RPS6KC1: variants seen among roughly 807,000 people sequenced by gnomAD.
RPS6KC1 encodes inactive ribosomal protein S6 kinase delta-1.
A neutral mutation model predicts 103.8 loss-of-function variants in RPS6KC1; 54 were observed. The ratio of observed to expected loss-of-function variants is 0.52; its 90% confidence interval spans 0.42 to 0.65. RPS6KC1 has a LOEUF of 0.65. Ranked by LOEUF, RPS6KC1 falls within the 30% of genes least tolerant of loss-of-function variation. The pLI is 0.00. For synonymous variants in RPS6KC1, 439 were observed against 438.7 expected, an observed-to-expected ratio of 1.00 and a Z score of -0.01; for missense variants, 1,151 against 1,253.8, an observed-to-expected ratio of 0.92 and a Z score of 1.24.
At chr1:213,849,361 C>T in the RPS6KC1 span, among the ~76,000 whole-genome samples, 5 of 152,166 alleles carry the variant, frequency 3.3e-5, no homozygotes, top group Non-Finnish European at 5.9e-5. Context: ...GGCTCCTATA[C>T]TTAGGCTACT....
chr1:213,423,688 T>C, the RPS6KC1 span, among the ~76,000 whole-genome samples: 2 of 152,108 alleles, frequency 1.3e-5, no homozygotes. Context: ...TAGTTCCAAG[T>C]GTTAGCAAAT....
chr1:213,645,354 A>G, the RPS6KC1 span, among the ~76,000 whole-genome samples: 20 of 152,192 alleles, frequency 1.3e-4, no homozygotes, highest in African/African-American at 4.6e-4. Context: ...AACAAAAGCC[A>G]TTACGGGTGA....
At chr1:213,486,580 G>A in the RPS6KC1 span, among the ~76,000 whole-genome samples, 1 of 152,160 alleles carries the variant, frequency 6.6e-6, no homozygotes, top group Non-Finnish European at 1.5e-5. Flanking sequence ...TGTTCATCAA[G>A]ATACTATATT....
chr1:213,700,976 A>G, the RPS6KC1 span, among the ~76,000 whole-genome samples: 1 of 151,992 alleles, frequency 6.6e-6, no homozygotes, highest in East Asian at 1.9e-4. Context: ...GCCTTTTCCA[A>G]ATATAAAGTC....
chr1:213,578,633 A>T, the RPS6KC1 span, among the ~76,000 whole-genome samples: 1 of 150,612 alleles, frequency 6.6e-6, no homozygotes, highest in Admixed American at 6.5e-5. Flanking sequence ...TTAAGGTTTA[A>T]TGACTGCCCC....
intron 6 of RPS6KC1, among the ~76,000 whole-genome samples, chr1:213,160,242 CA>C (rs2090328876): frequency 6.6e-6 from 1 of 152,114 alleles, no homozygotes. Flanking sequence ...TTTACCTTTA[CA>C]AAATATTACG....
At chr1:213,402,722 A>G in the RPS6KC1 span, among the ~76,000 whole-genome samples, 1 of 152,146 alleles carries the variant, frequency 6.6e-6, no homozygotes, top group African/African-American at 2.4e-5. Flanking sequence ...GATTGATTCA[A>G]TGGGTTCTTT....
At chr1:213,351,798 G>A in the RPS6KC1 span, among the ~76,000 whole-genome samples, 1 of 152,076 alleles carries the variant, frequency 6.6e-6, no homozygotes, top group African/African-American at 2.4e-5. Flanking sequence ...CTTTTATTTT[G>A]GGAGGTGGCA....
the RPS6KC1 span, among the ~76,000 whole-genome samples, chr1:213,709,251 A>G: frequency 6.6e-6 from 1 of 152,076 alleles, no homozygotes; most frequent in Non-Finnish European, 1.5e-5. Flanking sequence ...CTATTCGGGG[A>G]TTCGACTTCT....
chr1:213,666,805 C>T, the RPS6KC1 span, among the ~76,000 whole-genome samples: 12 of 152,306 alleles, frequency 7.9e-5, no homozygotes, highest in South Asian at 4.1e-4. Flanking sequence ...GAGTTATTGC[C>T]GCTTATTCAT....
At chr1:213,152,790 A>G (rs2147957645) in intron 6 of RPS6KC1, among the ~76,000 whole-genome samples, 3 of 147,916 alleles carry the variant, frequency 2.0e-5, no homozygotes, top group Admixed American at 2.0e-4. Context: ...CTCACATCCC[A>G]GATGATGGGC....
the RPS6KC1 span, among the ~76,000 whole-genome samples, chr1:213,392,583 C>T: frequency 6.6e-6 from 1 of 152,190 alleles, no homozygotes. Flanking sequence ...GGATGGGCAT[C>T]AACTCATGAA....
chr1:213,195,358 G>T (rs1401812431), intron 8 of RPS6KC1, among the ~76,000 whole-genome samples: 1 of 152,186 alleles, frequency 6.6e-6, no homozygotes, highest in African/African-American at 2.4e-5. Context: ...TTAATGGAAG[G>T]TACGTGGGAA....
chr1:213,657,456 TA>T, the RPS6KC1 span, among the ~76,000 whole-genome samples: 1 of 152,138 alleles, frequency 6.6e-6, no homozygotes, highest in South Asian at 2.1e-4. Context: ...TTTAATTATT[TA>T]AAAAAATATT....
chr1:213,816,847 T>C, the RPS6KC1 span, among the ~76,000 whole-genome samples: 1 of 152,190 alleles, frequency 6.6e-6, no homozygotes, highest in Non-Finnish European at 1.5e-5. Flanking sequence ...CAAATGAGGA[T>C]GTTAATTTTC....
chr1:213,097,995 C>T (rs1572507936), intron 3 of RPS6KC1, among the ~76,000 whole-genome samples: 1 of 152,334 alleles, frequency 6.6e-6, no homozygotes, highest in Middle Eastern at 3.4e-3. Flanking sequence ...AATAACGCTG[C>T]TTCACTTTCT....
chr1:213,178,009 T>C (rs1245503912), intron 8 of RPS6KC1, among the ~76,000 whole-genome samples: 1 of 149,914 alleles, frequency 6.7e-6, no homozygotes, highest in Non-Finnish European at 1.5e-5. Flanking sequence ...TTTGAGACTA[T>C]CTGGGCAACA....
intron 1 of RPS6KC1, among the ~76,000 whole-genome samples, chr1:213,059,262 C>T (rs1460106683): frequency 6.6e-6 from 1 of 152,170 alleles, no homozygotes; most frequent in Non-Finnish European, 1.5e-5. Flanking sequence ...TGGTTTTTTC[C>T]TGCATAGACA....
the RPS6KC1 span, among the ~76,000 whole-genome samples, chr1:213,559,072 G>GA: frequency 6.6e-6 from 1 of 152,202 alleles, no homozygotes; most frequent in Non-Finnish European, 1.5e-5. Flanking sequence ...GGACTTCTAG[G>GA]AAGCTATCTC....
Sources: allele counts gnomAD v4.1 joint callset (sites outside exome capture counted in the v4.1 genomes callset), GRCh38; gene constraint gnomAD v4.1.1; transcripts MANE v1.5; gene names NCBI Gene and HGNC (gene_info 2026-07-23, HGNC 2026-07-21).